ATP9B: variants seen among roughly 807,000 people sequenced by gnomAD.
ATP9B encodes the protein ATPase phospholipid transporting 9B, also known as probable phospholipid-transporting ATPase IIB.
ATP9B carries 110 observed loss-of-function variants against 146.1 expected under a neutral mutation model. The ratio of observed to expected loss-of-function variants is 0.75; its 90% CI spans 0.65 to 0.88. The LOEUF (loss-of-function observed/expected upper bound fraction) is 0.88, where lower values mean the gene tolerates loss of function less well. Ranked by LOEUF, ATP9B falls within the 40% of genes least tolerant of loss-of-function variation. The pLI, the probability that ATP9B is intolerant of heterozygous loss-of-function variation, is 0.00. For synonymous variants in ATP9B, 604 were observed against 569.7 expected (o/e 1.06, Z -0.86); for missense variants, 1,499 against 1,496.4 (o/e 1.00, Z -0.03).
intron 2 of ATP9B, among the ~76,000 whole-genome samples, chr18:79,103,303 T>C (rs1013500327): frequency 2.0e-5 from 3 of 151,616 alleles, no homozygotes; most frequent in Non-Finnish European, 4.4e-5. Context: ...CTATCTTGTA[T>C]TAAGAAACAA....
intron 26 of ATP9B, among the ~76,000 whole-genome samples, chr18:79,366,257 C>T (rs1409543946): frequency 6.6e-6 from 1 of 152,178 alleles, no homozygotes; most frequent in East Asian, 1.9e-4. Context: ...GTGGCGGACA[C>T]CTGACCGTGC....
intron 11 of ATP9B, among the ~76,000 whole-genome samples, chr18:79,241,149 A>G (rs543059794): frequency 7.9e-5 from 12 of 152,324 alleles, no homozygotes; most frequent in African/African-American, 2.9e-4. Context: ...TGTATTAGTT[A>G]TTAGTGTGGA....
chr18:79,297,466 T>C (rs1318802990), intron 13 of ATP9B, among the ~76,000 whole-genome samples: 1 of 152,226 alleles, frequency 6.6e-6, no homozygotes, highest in Admixed American at 6.5e-5. Flanking sequence ...CATCGCGTTA[T>C]GAGGCACTCA....
intron 9 of ATP9B, among the ~76,000 whole-genome samples, chr18:79,200,988 A>G (rs148695134): frequency 1.1e-4 from 17 of 152,290 alleles, no homozygotes; most frequent in African/African-American, 3.9e-4. Flanking sequence ...TGAATTTAGG[A>G]ACGGGAATGG....
intron 11 of ATP9B, among the ~76,000 whole-genome samples, chr18:79,218,023 TG>T (rs2095643870): frequency 6.6e-6 from 1 of 152,236 alleles, no homozygotes; most frequent in Non-Finnish European, 1.5e-5. Flanking sequence ...TATTTTTGAA[TG>T]AGTAGTGGTT....
At chr18:79,349,897 C>G (rs969086563) in intron 25 of ATP9B, among the ~76,000 whole-genome samples, 6 of 147,926 alleles carry the variant, frequency 4.1e-5, no homozygotes. Context: ...GCCCCGCACC[C>G]CCCCCCCCAC....
intron 15 of ATP9B, among the ~76,000 whole-genome samples, chr18:79,312,372 C>T (rs996129712): frequency 6.6e-6 from 1 of 152,240 alleles, no homozygotes. Context: ...AGCAAGGCTG[C>T]GCCAAGCTTG....
At chr18:79,131,861 A>C (rs534931196) in intron 5 of ATP9B, among the ~76,000 whole-genome samples, 5 of 152,366 alleles carry the variant, frequency 3.3e-5, no homozygotes, top group African/African-American at 1.2e-4. Context: ...CAGATGAAAA[A>C]GGTCCCATAT....
intron 25 of ATP9B, among the ~76,000 whole-genome samples, chr18:79,356,818 GGTGTCTGTGTGAGGGATGCTCT>G (rs2096956673): frequency 4.2e-5 from 6 of 143,446 alleles, no homozygotes; most frequent in South Asian, 2.3e-4. Flanking sequence ...TGGGTCTGGA[GGTGTCTGTGTGAGGGATGCTCT>G]GGGTCTGGAG....
chr18:79,213,684 A>G lies in ATP9B; in HGVS notation c.1031-278A>G, dbSNP rs2095603192. Among the ~76,000 whole-genome samples, 7 of 152,224 alleles carry G rather than the reference A, an allele frequency of 4.6e-5. No individual in the cohort carries two copies. The South Asian group carries it at 1.5e-3, about 32-fold the overall frequency. ...TAGACAGTAGTGAAAGGCCATTGTC[A>G]TTATCTCTATTGTCAGTGAAAAGAA... is the stretch of plus-strand genomic sequence containing the variant. On this transcript the variant is annotated intron_variant, in intron 10 of 29. Transcript: ENST00000426216.
chr18:79,327,537 G>GTGTGCTCTCTCCGTGGTTAA (rs2096757457), intron 15 of ATP9B, among the ~76,000 whole-genome samples: 1 of 131,644 alleles, frequency 7.6e-6, no homozygotes, highest in African/African-American at 3.2e-5. Flanking sequence ...TCCGTGGTTA[G>GTGTGCTCTCTCCGTGGTTAA]CGTGCTCTCC....
chr18:79,069,436 C>G lies in ATP9B; in HGVS notation c.26C>G (p.Pro9Arg). 3.3e-6 allele frequency: 5 copies of G among 1,519,226 alleles called. No homozygotes were observed. The highest frequency in any genetic ancestry group is 2.8e-5 in the East Asian group (1 of 36,038). The allele number at this position is 1,519,226 out of a possible 1,614,324, so 94.1% of individuals were successfully genotyped here. A position where few individuals can be genotyped will look rare whatever the true frequency, so the allele number is the denominator to read the frequency against. The stretch of plus-strand genomic sequence containing the variant: ...ATGGCGGACCAGATCCCGCTTTACC[C>G]GGTGCGTAGCGCAGCGGCGGCCGCA... MADQIPLY[P>R]VRSAAAAAAN... The change falls in exon 1 of 30, where the codon CCG (proline) becomes CGG (arginine). Residue 9 changes from proline to arginine, a missense_variant. By Grantham distance (103) the Pro-to-Arg change is moderately radical. Coordinates refer to ENST00000426216, the MANE Select transcript of ATP9B (RefSeq NM_198531.5).
At chr18:79,309,971 C>T (rs1397598910) in intron 15 of ATP9B, among the ~76,000 whole-genome samples, 1 of 152,126 alleles carries the variant, frequency 6.6e-6, no homozygotes, top group Non-Finnish European at 1.5e-5. Flanking sequence ...AATACTGATT[C>T]AATTTCTGAA....
At chr18:79,238,516 C>G (rs148043867) in intron 11 of ATP9B, among the ~76,000 whole-genome samples, 27 of 152,278 alleles carry the variant, frequency 1.8e-4, no homozygotes, top group Middle Eastern at 3.4e-3. Flanking sequence ...TTCTGTGCCC[C>G]CTCCGTGTAC....
intron 2 of ATP9B, among the ~76,000 whole-genome samples, chr18:79,107,411 G>A (rs2075724536): frequency 6.6e-6 from 1 of 152,168 alleles, no homozygotes; most frequent in Admixed American, 6.5e-5. Flanking sequence ...CATTTGGACG[G>A]TCCAGGCCTG....
chr18:79,294,472 A>G (rs1352385574), intron 13 of ATP9B, among the ~76,000 whole-genome samples: 1 of 152,250 alleles, frequency 6.6e-6, no homozygotes, highest in Admixed American at 6.5e-5. Context: ...CCACAGGCAC[A>G]GGAGAAACGG....
At chr18:79,341,332 C>T (rs12959359) in intron 19 of ATP9B, among the ~76,000 whole-genome samples, 43 of 109,422 alleles carry the variant, frequency 3.9e-4, no homozygotes, top group Middle Eastern at 6.5e-3. Context: ...AGCGTGACCT[C>T]GTCGAAGTCT....
intron 25 of ATP9B, among the ~76,000 whole-genome samples, chr18:79,349,375 G>C (rs1478854579): frequency 6.6e-6 from 1 of 152,206 alleles, no homozygotes; most frequent in African/African-American, 2.4e-5. Flanking sequence ...CACTTCATGT[G>C]TGAGAAAAGT....
chr18:79,362,706 G>A (rs2096997472), intron 26 of ATP9B: 1 of 152,226 alleles, frequency 6.6e-6, no homozygotes, highest in Non-Finnish European at 1.5e-5. Context: ...CCCTGGTTAA[G>A]TGAGCCAGCT....
Sources: allele counts gnomAD v4.1 joint callset (sites outside exome capture counted in the v4.1 genomes callset), GRCh38; gene constraint gnomAD v4.1.1; transcripts MANE v1.5; gene names NCBI Gene and HGNC (gene_info 2026-07-23, HGNC 2026-07-21).